The following ZNF536 variants were observed in gnomAD, a reference collection of about 807,000 sequenced individuals.
ZNF536 encodes zinc finger protein 536.
Under a neutral mutation model 84.5 loss-of-function variants are expected in ZNF536, and 13 were observed. The observed-to-expected ratio is 0.15, with a 90% CI of 0.10 to 0.24. The LOEUF is 0.24. ZNF536 is among the 10% of genes least tolerant of loss of function. ZNF536 has a pLI of 1.00. For missense variants in ZNF536, 1,536 were observed against 1,747.5 expected (o/e 0.88, Z 2.16); for synonymous variants, 811 against 742.5 (o/e 1.09, Z -1.50).
chr19:30,322,500 G>A (rs1328895099), intron 2 of ZNF536, among the ~76,000 whole-genome samples: 5 of 152,098 alleles, frequency 3.3e-5, no homozygotes, highest in Non-Finnish European at 7.4e-5. Flanking sequence ...CTCTGCAGGC[G>A]CCTTCTTGGG....
intron 1 of ZNF536, among the ~76,000 whole-genome samples, chr19:30,689,005 C>A (rs56379706): frequency 1.3e-5 from 2 of 152,214 alleles, no homozygotes; most frequent in Non-Finnish European, 2.9e-5. Flanking sequence ...AATATTGGCC[C>A]GCTCTGCTCC....
At chr19:30,688,624 T>G (rs767736053) in intron 1 of ZNF536, among the ~76,000 whole-genome samples, 50 of 152,238 alleles carry the variant, frequency 3.3e-4, no homozygotes, top group South Asian at 4.1e-4. Flanking sequence ...TAAAAAGCTA[T>G]ATCAAAAGGC....
intron 1 of ZNF536, among the ~76,000 whole-genome samples, chr19:30,617,541 TG>T (rs1422635933): frequency 6.6e-6 from 1 of 151,176 alleles, no homozygotes; most frequent in African/African-American, 2.4e-5. Context: ...TAGTAGAGAC[TG>T]GGTTTCACTG....
chr19:30,712,951 A>C (rs1223610478), exon 2 of ZNF536: 3 of 152,080 alleles, frequency 2.0e-5, no homozygotes, highest in African/African-American at 7.2e-5. Context: ...AAAACATAAA[A>C]AAAAAAGAAA....
intron 2 of ZNF536, among the ~76,000 whole-genome samples, chr19:30,525,403 A>G (rs1342911956): frequency 6.6e-6 from 1 of 152,210 alleles, no homozygotes; most frequent in Non-Finnish European, 1.5e-5. Context: ...CTGAATTCCA[A>G]CTTGCTTGCC....
intron 2 of ZNF536, among the ~76,000 whole-genome samples, chr19:30,470,098 G>A (rs1292510757): frequency 4.6e-5 from 7 of 152,226 alleles, no homozygotes; most frequent in Non-Finnish European, 8.8e-5. Context: ...CCTGAGGGAG[G>A]GGTTTGGGGA....
chr19:30,614,739 G>A (rs2048221085), intron 1 of ZNF536, among the ~76,000 whole-genome samples: 1 of 151,052 alleles, frequency 6.6e-6, no homozygotes, highest in African/African-American at 2.4e-5. Flanking sequence ...TATATATTAA[G>A]GAAATTAGCC....
intron 2 of ZNF536, among the ~76,000 whole-genome samples, chr19:30,505,485 T>A (rs1351490678): frequency 1.3e-5 from 2 of 148,930 alleles, no homozygotes; most frequent in African/African-American, 4.9e-5. Context: ...ATATTATTAA[T>A]CTATATATAA....
rs371288425 is a variant in ZNF536, at chr19:30,699,111, T to G, written c.170-11646T>G. On this transcript the variant is annotated intron_variant, in intron 1 of 1. Transcript: ENST00000592773. ...CCACTCCACCATCAATATGTGGGGG[T>G]TTTTTTTTAGTACTTTCTTACTTTC... Among the ~76,000 whole-genome samples, 90 of 150,618 alleles carry G rather than the reference T, an allele frequency of 6.0e-4. No individual in the cohort carries two copies. In the South Asian group the frequency reaches 0.014, roughly 24 times the overall value.
chr19:30,660,448 A>G (rs1284461040), intron 1 of ZNF536, among the ~76,000 whole-genome samples: 1 of 152,226 alleles, frequency 6.6e-6, no homozygotes, highest in Non-Finnish European at 1.5e-5. Context: ...AAATAAAAAT[A>G]TATGTATCAT....
chr19:30,535,723 T>TAA (rs368243442), intron 3 of ZNF536, among the ~76,000 whole-genome samples: 2 of 147,088 alleles, frequency 1.4e-5, no homozygotes, highest in African/African-American at 5.0e-5. Flanking sequence ...ATTGCCAATA[T>TAA]AAAAAAAAAA....
chr19:30,578,896 T>C (rs1369260680), intron 1 of ZNF536, among the ~76,000 whole-genome samples: 1 of 152,138 alleles, frequency 6.6e-6, no homozygotes, highest in African/African-American at 2.4e-5. Context: ...CATTTCAGAG[T>C]ACAAGCTTTG....
At chr19:30,661,437 A>T (rs2147581772) in intron 1 of ZNF536, among the ~76,000 whole-genome samples, 1 of 152,346 alleles carries the variant, frequency 6.6e-6, no homozygotes, top group South Asian at 2.1e-4. Flanking sequence ...TTTGTAACAC[A>T]TCCCTAGAAA....
At chr19:30,559,627 G>C (rs1189030141), downstream of ZNF536, among the ~76,000 whole-genome samples, 1 of 152,226 alleles carries the variant, frequency 6.6e-6, no homozygotes, top group Non-Finnish European at 1.5e-5. Context: ...GGTTTTGCCA[G>C]TCCTCCTGGG....
At chr19:30,664,596 A>G (rs1440357420) in intron 1 of ZNF536, among the ~76,000 whole-genome samples, 1 of 152,046 alleles carries the variant, frequency 6.6e-6, no homozygotes, top group East Asian at 1.9e-4. Context: ...ACCCACCTAC[A>G]TAGGTGGGAT....
At chr19:30,232,185 A>G (rs565776638) in intron 1 of ZNF536, among the ~76,000 whole-genome samples, 25 of 152,288 alleles carry the variant, frequency 1.6e-4, no homozygotes, top group East Asian at 1.5e-3. Flanking sequence ...GATGCCATCA[A>G]CGGGCTCCTG....
intron 1 of ZNF536, among the ~76,000 whole-genome samples, chr19:30,415,910 C>T (rs1308451384): frequency 1.3e-5 from 2 of 152,122 alleles, no homozygotes; most frequent in Non-Finnish European, 2.9e-5. Flanking sequence ...ATGCCCGGCC[C>T]ATCATCATCA....
intron 2 of ZNF536, among the ~76,000 whole-genome samples, chr19:30,478,959 A>G (rs1599518340): frequency 6.6e-6 from 1 of 152,154 alleles, no homozygotes; most frequent in Admixed American, 6.5e-5. Context: ...TCTGGGGACC[A>G]CGGATTCTCT....
At chr19:30,386,275 T>A (rs549493553) in intron 1 of ZNF536, among the ~76,000 whole-genome samples, 5 of 152,236 alleles carry the variant, frequency 3.3e-5, no homozygotes, top group African/African-American at 1.2e-4. Context: ...TGAGTGGAGT[T>A]AGCCCCTCAC....
Sources: allele counts gnomAD v4.1 joint callset (sites outside exome capture counted in the v4.1 genomes callset), GRCh38; gene constraint gnomAD v4.1.1; transcripts MANE v1.5; gene names NCBI Gene and HGNC (gene_info 2026-07-23, HGNC 2026-07-21).